The following GNAL variants were observed in gnomAD, a reference collection of about 807,000 sequenced individuals.
GNAL encodes guanine nucleotide-binding protein G(olf) subunit alpha.
GNAL carries 18 observed loss-of-function variants against 55.1 expected under a neutral mutation model. The observed-to-expected ratio is 0.33, with a 90% CI of 0.23 to 0.48. The LOEUF is 0.48. Ranked by LOEUF, GNAL falls within the 20% of genes least tolerant of loss-of-function variation. The pLI, the probability that GNAL is intolerant of heterozygous loss-of-function variation, is 0.99. For missense variants in GNAL, 412 were observed against 614.1 expected (o/e 0.67, Z 3.48); for synonymous variants, 253 against 237.0 (o/e 1.07, Z -0.62).
chr18:11,829,973 C>A (rs1287141103), intron 5 of GNAL, among the ~76,000 whole-genome samples: 1 of 152,092 alleles, frequency 6.6e-6, no homozygotes, highest in Non-Finnish European at 1.5e-5. Flanking sequence ...TCCGTGTACT[C>A]CAGCCTGGGC....
intron 4 of GNAL, among the ~76,000 whole-genome samples, chr18:11,796,580 A>AC (rs1568031374): frequency 4.4e-4 from 65 of 147,716 alleles, no homozygotes; most frequent in African/African-American, 1.4e-3. Flanking sequence ...TCTCACAAAA[A>AC]AAAAAAAAAA....
chr18:11,809,620 C>A (rs1330918440), intron 4 of GNAL, among the ~76,000 whole-genome samples: 1 of 152,150 alleles, frequency 6.6e-6, no homozygotes, highest in Non-Finnish European at 1.5e-5. Flanking sequence ...GTAATCCCAG[C>A]TACTTGAGAG....
chr18:11,717,647 A>G (rs2032004790), intron 1 of GNAL, among the ~76,000 whole-genome samples: 1 of 152,232 alleles, frequency 6.6e-6, no homozygotes. Context: ...TTGCAGGAAC[A>G]TGGGTGGAGC....
At chr18:11,692,166 C>A (rs576980416) in intron 1 of GNAL, among the ~76,000 whole-genome samples, 1 of 152,128 alleles carries the variant, frequency 6.6e-6, no homozygotes, top group Non-Finnish European at 1.5e-5. Flanking sequence ...GGAGAAGGAG[C>A]TATTCCATGA....
intron 5 of GNAL, among the ~76,000 whole-genome samples, chr18:11,856,046 C>T (rs2036001133): frequency 6.6e-6 from 1 of 150,854 alleles, no homozygotes; most frequent in African/African-American, 2.5e-5. Context: ...GTATCAGCAT[C>T]AGCTGGCCAA....
At chr18:11,784,439 C>T (rs2034002823) in intron 4 of GNAL, among the ~76,000 whole-genome samples, 1 of 152,204 alleles carries the variant, frequency 6.6e-6, no homozygotes, top group Non-Finnish European at 1.5e-5. Flanking sequence ...GCCACACCTT[C>T]ATGATGACAC....
chr18:11,698,020 T>A (rs1036044275), intron 1 of GNAL, among the ~76,000 whole-genome samples: 1 of 151,846 alleles, frequency 6.6e-6, no homozygotes, highest in Non-Finnish European at 1.5e-5. Flanking sequence ...AGGGAGGACG[T>A]GCAGAGTGAG....
intron 4 of GNAL, among the ~76,000 whole-genome samples, chr18:11,805,213 A>G (rs564028350): frequency 6.8e-6 from 1 of 146,786 alleles, no homozygotes; most frequent in Admixed American, 6.8e-5. Flanking sequence ...TGAGTGGAAC[A>G]TGGAGATACT....
chr18:11,776,579 A>T (rs1340196054), intron 4 of GNAL, among the ~76,000 whole-genome samples: 3 of 151,898 alleles, frequency 2.0e-5, no homozygotes, highest in Non-Finnish European at 4.4e-5. Context: ...ATGCTGGTGC[A>T]CACCTGGAGT....
chr18:11,774,278 G>A (rs556418111), intron 4 of GNAL, among the ~76,000 whole-genome samples: 44 of 152,314 alleles, frequency 2.9e-4, no homozygotes, highest in African/African-American at 1.0e-3. Context: ...GTGTTTTCAG[G>A]GAACTTTCTC....
At chr18:11,721,493 C>T (rs1401053390) in intron 1 of GNAL, among the ~76,000 whole-genome samples, 1 of 152,064 alleles carries the variant, frequency 6.6e-6, no homozygotes, top group Non-Finnish European at 1.5e-5. Context: ...GTGACTCAAA[C>T]GCCTGTAATC....
At chr18:11,880,344 G>A (rs937110710) in intron 11 of GNAL, among the ~76,000 whole-genome samples, 14 of 150,976 alleles carry the variant, frequency 9.3e-5, no homozygotes, top group Admixed American at 3.3e-4. Context: ...CGAGGTGGGC[G>A]GATCACTTGA....
intron 4 of GNAL, among the ~76,000 whole-genome samples, chr18:11,792,547 T>G (rs777104933): frequency 9.2e-5 from 14 of 152,224 alleles, no homozygotes; most frequent in Non-Finnish European, 1.8e-4. Context: ...ACTGAAGTGT[T>G]GACTTCTTGA....
chr18:11,727,974 C>G (rs1181877252), intron 1 of GNAL, among the ~76,000 whole-genome samples: 1 of 152,088 alleles, frequency 6.6e-6, no homozygotes, highest in Non-Finnish European at 1.5e-5. Flanking sequence ...TGCCTATAAC[C>G]CCAACAATCT....
chr18:11,853,637 A>C lies in GNAL; in HGVS notation c.723-8758A>C, dbSNP rs1049679400. On this transcript the variant is annotated intron_variant, in intron 5 of 11. Coordinates refer to ENST00000334049, the MANE Select transcript of GNAL (RefSeq NM_182978.4). ...AAATGAGTAAGGAAAAAAAAAGTGT[A>C]ACAGGTGCGTGCAGATGAGGAGTGA... The C allele has an allele frequency of 3.0e-5, 5 of 167,196 alleles. No homozygotes were observed. In the East Asian group the frequency reaches 9.6e-4, roughly 32 times the overall value. 10.4% of individuals were successfully genotyped at this position (167,196 alleles called of 1,614,324 possible).
chr18:11,732,446 A>C (rs1272311279), intron 1 of GNAL, among the ~76,000 whole-genome samples: 2 of 151,686 alleles, frequency 1.3e-5, no homozygotes, highest in Non-Finnish European at 2.9e-5. Flanking sequence ...TTTCTTATGC[A>C]AATTGGTTAT....
At chr18:11,851,818 TTGAAGACCA>T in intron 5 of GNAL, 1 of 1,613,916 alleles carries the variant, frequency 6.2e-7, no homozygotes, top group Non-Finnish European at 8.5e-7. Context: ...GGATGCGACA[TTGAAGACCA>T]TGAATCTGGA....
At chr18:11,813,267 A>AAAAG (rs1486677832) in intron 4 of GNAL, among the ~76,000 whole-genome samples, 1 of 152,008 alleles carries the variant, frequency 6.6e-6, no homozygotes, top group Non-Finnish European at 1.5e-5. Context: ...AAAAAAGAAA[A>AAAAG]AAAGACATAA....
chr18:11,739,925 G>A (rs948616986), intron 1 of GNAL, among the ~76,000 whole-genome samples: 5 of 150,866 alleles, frequency 3.3e-5, no homozygotes, highest in Non-Finnish European at 5.9e-5. Context: ...CCTGCTCCTC[G>A]TTAAAACCTC....
Sources: allele counts gnomAD v4.1 joint callset (sites outside exome capture counted in the v4.1 genomes callset), GRCh38; gene constraint gnomAD v4.1.1; transcripts MANE v1.5; gene names NCBI Gene and HGNC (gene_info 2026-07-23, HGNC 2026-07-21).